The following PIGN variants were observed in gnomAD, a reference collection of about 807,000 sequenced individuals.
The protein encoded by PIGN is GPI ethanolamine phosphate transferase 1.
In PIGN, 117 loss-of-function variants were observed where a neutral mutation model predicts 125.4. The ratio of observed to expected loss-of-function variants is 0.93; its 90% confidence interval spans 0.80 to 1.09. The LOEUF (loss-of-function observed/expected upper bound fraction) is 1.09, where lower values mean the gene tolerates loss of function less well. Among genes scored for constraint, PIGN ranks in the 50% least tolerant of loss-of-function variants. The probability of loss-of-function intolerance (pLI) is 0.00; values close to 1 mark genes in which losing one functional copy is unlikely to be tolerated. For synonymous variants in PIGN, 392 were observed against 377.8 expected (o/e 1.04, Z -0.44); for missense variants, 1,075 against 1,094.9 (o/e 0.98, Z 0.26).
intron 17 of PIGN, 81 bp downstream of exon 17, chr18:62,109,753 G>T: frequency 1.6e-6 from 2 of 1,218,542 alleles, no homozygotes; most frequent in African/African-American, 1.5e-5. Flanking sequence ...ATGACTTATG[G>T]TACAGAAATC....
chr18:62,138,331 G>T, intron 13 of PIGN, 33 bp from the exon 14 acceptor site: 1 of 1,508,570 alleles, frequency 6.6e-7, no homozygotes, highest in Non-Finnish European at 8.9e-7. Flanking sequence ...TTACAAATGA[G>T]AAAAATAATG....
At chr18:62,150,802 C>T (rs1054271638) in intron 7 of PIGN, among the ~76,000 whole-genome samples, 3 of 152,102 alleles carry the variant, frequency 2.0e-5, no homozygotes, top group Non-Finnish European at 4.4e-5. Context: ...CGGGTTCAAG[C>T]GATTCTCCTG....
intron 15 of PIGN, 127 bp downstream of exon 15, chr18:62,114,434 C>G (rs557754157): frequency 1.0e-4 from 63 of 627,856 alleles, no homozygotes; most frequent in African/African-American, 8.8e-4. Flanking sequence ...AGCAGCTACT[C>G]AGGAAATGCA....
At chr18:62,166,737 G>C (rs2037148814) in intron 1 of PIGN, among the ~76,000 whole-genome samples, 1 of 152,200 alleles carries the variant, frequency 6.6e-6, no homozygotes, top group African/African-American at 2.4e-5. Flanking sequence ...AAAAGAATGA[G>C]ATCATGTCCT....
At chr18:62,135,248 G>A (rs1268774374) in intron 14 of PIGN, among the ~76,000 whole-genome samples, 1 of 152,016 alleles carries the variant, frequency 6.6e-6, no homozygotes, top group African/African-American at 2.4e-5. Flanking sequence ...ATGTTTTTAG[G>A]TTTGGTTCTG....
chr18:62,025,389 A>G (rs1405956685), intron 23 of PIGN, among the ~76,000 whole-genome samples: 2 of 152,038 alleles, frequency 1.3e-5, no homozygotes, highest in African/African-American at 4.8e-5. Context: ...CCACTTAGAG[A>G]TAATAGGTGT....
intron 1 of PIGN, among the ~76,000 whole-genome samples, chr18:62,175,918 C>T (rs1045698482): frequency 3.3e-5 from 5 of 151,940 alleles, no homozygotes; most frequent in African/African-American, 1.2e-4. Context: ...TCCTTGAAAG[C>T]TTCTAAAATT....
rs1450368481 is a variant in PIGN at position 62,095,872 on chromosome 18, G to A, written c.2156C>T (p.Ser719Leu). Residue 719 changes from serine to leucine, a missense_variant, in exon 23 of 31, where the codon TCA becomes TTA. Transcript: ENST00000640252. ...CCCTGTGCTTAGAAGTAGGTAGGTT[G>A]ACATCAATGAAAGAAGTATGCTGAA... ...RLFSILLSLMSTYLLLSTGYE... is the reference protein window; with the variant it reads ...RLFSILLSLMLTYLLLSTGYE... 6.2e-7 allele frequency: 1 copy of A among 1,610,182 alleles called. No individual in the cohort carries two copies. Among genetic ancestry groups the A allele is most frequent in the Admixed American group, 1.7e-5 (1 of 59,994 alleles).
At position 62,115,975 on chromosome 18, in the gene PIGN, T is replaced by G. The variant is rs150887921; in HGVS notation, c.1173-1336A>C. 5.3e-5 allele frequency among the ~76,000 whole-genome samples: 8 copies of G among 152,168 alleles called. No homozygotes were observed. In the East Asian group the frequency reaches 1.4e-3, roughly 26 times the overall value. On this transcript the variant is annotated intron_variant, in intron 14 of 30. Coordinates refer to ENST00000640252, the MANE Select transcript of PIGN (RefSeq NM_176787.5). Reference sequence around the variant, plus strand: ...AAAAAATAAAAAAAGAATCTGTGCCTACTCTAAGAGCTCCCAGATATTCCA... The same window carrying G: ...AAAAAATAAAAAAAGAATCTGTGCCGACTCTAAGAGCTCCCAGATATTCCA...
intron 1 of PIGN, among the ~76,000 whole-genome samples, chr18:62,172,077 G>A (rs1384614827): frequency 6.6e-6 from 1 of 151,928 alleles, no homozygotes; most frequent in South Asian, 2.1e-4. Context: ...ACTGGCTTGG[G>A]GTTTTCTTTG....
chr18:62,120,864 A>G (rs1045716359), intron 14 of PIGN, among the ~76,000 whole-genome samples: 1 of 152,170 alleles, frequency 6.6e-6, no homozygotes. Flanking sequence ...TATAGTAAGT[A>G]TAAATGGTCC....
intron 28 of PIGN, among the ~76,000 whole-genome samples, chr18:62,078,593 T>C (rs1197120039): frequency 1.3e-5 from 2 of 152,228 alleles, no homozygotes; most frequent in Non-Finnish European, 2.9e-5. Flanking sequence ...AAGGCATAAA[T>C]GTAATACACT....
At chr18:62,091,444 T>C (rs1361418846) in intron 23 of PIGN, among the ~76,000 whole-genome samples, 2 of 152,218 alleles carry the variant, frequency 1.3e-5, no homozygotes, top group Non-Finnish European at 2.9e-5. Flanking sequence ...ATACTATGTA[T>C]TAAGAATCTC....
At chr18:62,082,549 A>AT in intron 28 of PIGN, 124 bp downstream of exon 28, 1 of 521,974 alleles carries the variant, frequency 1.9e-6, no homozygotes, top group Non-Finnish European at 3.4e-6. Flanking sequence ...AAATTTTCTC[A>AT]TTTTTGTAAT....
intron 16 of PIGN, 153 bp from the exon 17 acceptor site, chr18:62,110,126 A>T: frequency 1.6e-6 from 1 of 632,010 alleles, no homozygotes; most frequent in Non-Finnish European, 2.6e-6. Context: ...AGACAAGGAA[A>T]AAAATCTATT....
intron 23 of PIGN, among the ~76,000 whole-genome samples, chr18:62,033,237 A>G (rs1161157420): frequency 6.6e-6 from 1 of 152,204 alleles, no homozygotes; most frequent in Non-Finnish European, 1.5e-5. Context: ...ATCCACGCAA[A>G]TAAGAAGGTA....
intron 1 of PIGN, among the ~76,000 whole-genome samples, chr18:62,167,683 T>G (rs954507435): frequency 7.3e-6 from 1 of 136,878 alleles, no homozygotes; most frequent in Non-Finnish European, 1.7e-5. Flanking sequence ...TAACACACTC[T>G]CTCTCTCTCT....
At chr18:62,141,248 CT>C (rs1293903390) in intron 11 of PIGN, among the ~76,000 whole-genome samples, 1 of 152,144 alleles carries the variant, frequency 6.6e-6, no homozygotes, top group Non-Finnish European at 1.5e-5. Flanking sequence ...TGCTTGATTC[CT>C]TTATCAGTTA....
chr18:62,017,783 T>C (rs1599373154), intron 23 of PIGN: 2 of 151,592 alleles, frequency 1.3e-5, no homozygotes, highest in African/African-American at 4.8e-5. Flanking sequence ...ACCTTTGAGA[T>C]AGCTCCTTTA....
Sources: allele counts gnomAD v4.1 joint callset (sites outside exome capture counted in the v4.1 genomes callset), GRCh38; gene constraint gnomAD v4.1.1; transcripts MANE v1.5; gene names NCBI Gene and HGNC (gene_info 2026-07-23, HGNC 2026-07-21).